Variants in ABCC11 observed in about 807,000 individuals in gnomAD.
ABCC11 encodes the protein ATP binding cassette subfamily C member 11.
A neutral mutation model predicts 149.3 loss-of-function variants in ABCC11; 135 were observed. The observed-to-expected ratio is 0.90, with a 90% CI of 0.79 to 1.04. The LOEUF is 1.04. Among genes scored for constraint, ABCC11 ranks in the 50% least tolerant of loss-of-function variants. ABCC11 has a pLI of 0.00. For synonymous variants in ABCC11, 665 were observed against 671.4 expected, an observed-to-expected ratio of 0.99 and a Z score of 0.15; for missense variants, 1,680 against 1,722.1, an observed-to-expected ratio of 0.98 and a Z score of 0.43.
chr16:48,181,739 T>C (rs996950042), intron 23 of ABCC11, among the ~76,000 whole-genome samples: 4 of 152,128 alleles, frequency 2.6e-5, no homozygotes, highest in Non-Finnish European at 5.9e-5. Flanking sequence ...GCCTCCTGAG[T>C]AGCTGGGACT....
At position 48,170,166 on chromosome 16, in the gene ABCC11, T is replaced by A. The variant is rs75005894; in HGVS notation, c.3830A>T (p.Asn1277Ile). The change falls in exon 28 of 30, where the codon AAC (asparagine) becomes ATC (isoleucine). Residue 1277 changes from asparagine (N) to isoleucine (I), a missense_variant. Asn to Ile is a moderately radical substitution (Grantham distance 149). Transcript: ENST00000356608. ...CAGCTGCCTCTCCCCCACAGAGAAGTTTCCACCGTTTTCCACCACATCTGT... is the reference window on the plus strand; with the variant it reads ...CAGCTGCCTCTCCCCCACAGAGAAGATTCCACCGTTTTCCACCACATCTGT... ...LHTDVVENGGNFSVGERQLLC... is the reference protein window; with the variant it reads ...LHTDVVENGGIFSVGERQLLC... The A allele has an allele frequency of 1.6e-3, 2,572 of 1,614,066 alleles. 27 individuals are homozygous for A. The African/African-American group carries it at 0.029, about 18-fold the overall frequency.
intron 3 of ABCC11, among the ~76,000 whole-genome samples, chr16:48,229,744 G>A (rs1475963017): frequency 1.4e-4 from 21 of 152,088 alleles, no homozygotes; most frequent in Admixed American, 8.5e-4. Flanking sequence ...GATTACAGGC[G>A]TGAGCCACCG....
chr16:48,246,921 A>G (rs1441813353), intron 1 of ABCC11, among the ~76,000 whole-genome samples: 6 of 152,114 alleles, frequency 3.9e-5, no homozygotes, highest in Non-Finnish European at 5.9e-5. Context: ...ACAATCCTCA[A>G]TTCTCCTGCT....
rs1381530518 is a variant in ABCC11, at chr16:48,200,312, C to T, written c.2046G>A (p.Arg682=). Residue 682 remains arginine (R), a synonymous_variant, in exon 15 of 30, where the codon AGG becomes AGA. Transcript: ENST00000356608. ...IFEECIKKTL[R]GKTVVLVTHQ... is the part of the protein sequence containing the mutation. ...GGGTCACCAGGACGACCGTCTTCCC[C>T]CTGAGTGTCTTCTTAATGCACTCCT... The T allele has an allele frequency of 6.2e-7, 1 of 1,614,172 alleles. No homozygotes were observed. Among genetic ancestry groups the T allele is most frequent in the Non-Finnish European group, 8.5e-7 (1 of 1,179,996 alleles).
Position 48,198,228 on chromosome 16 carries a change from G to T in ABCC11, c.2130C>A (p.Ile710=). 2 of 1,614,134 alleles carry T rather than the reference G, an allele frequency of 1.2e-6. No homozygotes were observed. Among genetic ancestry groups the T allele is most frequent in the Non-Finnish European group, 1.7e-6 (2 of 1,180,024 alleles). The part of the protein sequence containing the change: ...GQIILLENGK[I]CENGTHSELM... ...ACTCACTGTGAGTTCCATTTTCACA[G>T]ATTTTCCCATTTTCCAACAAAATGA... The change falls in exon 16 of 30, where the codon ATC becomes ATA. Residue 710 remains isoleucine (I), a synonymous_variant. Transcript: ENST00000356608.
intron 3 of ABCC11, 24 bp downstream of exon 3, chr16:48,230,413 C>G (rs373111110): frequency 1.5e-5 from 24 of 1,567,910 alleles, no homozygotes; most frequent in Non-Finnish European, 1.7e-5. Flanking sequence ...ACAGCTCTCT[C>G]CCACCACCCC....
chr16:48,219,161 G>C (rs573364818), intron 6 of ABCC11, among the ~76,000 whole-genome samples: 1 of 144,694 alleles, frequency 6.9e-6, no homozygotes, highest in African/African-American at 2.6e-5. Context: ...GGACTGTTTT[G>C]GTTTTGGGTT....
intron 6 of ABCC11, among the ~76,000 whole-genome samples, chr16:48,220,405 T>C (rs779585581): frequency 3.3e-5 from 5 of 152,198 alleles, no homozygotes; most frequent in Non-Finnish European, 7.3e-5. Context: ...ATGTAAGTAA[T>C]GACTTGGAGC....
At chr16:48,242,296 T>C (rs1306853355) in intron 1 of ABCC11, among the ~76,000 whole-genome samples, 1 of 152,080 alleles carries the variant, frequency 6.6e-6, no homozygotes, top group Non-Finnish European at 1.5e-5. Context: ...CATGAAAAAA[T>C]GCTCATCATC....
chr16:48,241,869 C>T (rs554677548), intron 1 of ABCC11, among the ~76,000 whole-genome samples: 3 of 152,286 alleles, frequency 2.0e-5, no homozygotes, highest in Admixed American at 6.5e-5. Context: ...TGGATCCCTT[C>T]CTTATACCTT....
intron 4 of ABCC11, 116 bp from the exon 5 acceptor site, chr16:48,224,545 CA>C: frequency 8.4e-7 from 1 of 1,192,960 alleles, no homozygotes. Flanking sequence ...CAGAATAGAA[CA>C]ATGTAGTAAT....
chr16:48,192,201 T>C (rs1966983284), intron 20 of ABCC11, among the ~76,000 whole-genome samples: 1 of 151,900 alleles, frequency 6.6e-6, no homozygotes, highest in Non-Finnish European at 1.5e-5. Flanking sequence ...CCCAGCACTT[T>C]GGGGGGCCGA....
intron 5 of ABCC11, among the ~76,000 whole-genome samples, chr16:48,223,870 A>G (rs1423405944): frequency 6.6e-6 from 1 of 152,194 alleles, no homozygotes; most frequent in Non-Finnish European, 1.5e-5. Flanking sequence ...ACATGTGCTG[A>G]GCCAGGCCAT....
chr16:48,170,808 C>T (rs1965667883), intron 27 of ABCC11, 81 bp downstream of exon 27: 12 of 1,312,818 alleles, frequency 9.1e-6, no homozygotes, highest in Non-Finnish European at 1.2e-5. Flanking sequence ...GCTGGAACAC[C>T]ACATGAGAGG....
At chr16:48,238,548 C>T (rs1017964105) in intron 1 of ABCC11, among the ~76,000 whole-genome samples, 1 of 151,702 alleles carries the variant, frequency 6.6e-6, no homozygotes, top group African/African-American at 2.4e-5. Flanking sequence ...AACCTAAGGC[C>T]AAACCCAAGT....
At chr16:48,210,025 A>C (rs950630747) in intron 11 of ABCC11, 3 of 152,122 alleles carry the variant, frequency 2.0e-5, no homozygotes, top group Non-Finnish European at 4.4e-5. Context: ...CAGATGTGGA[A>C]GTCAAGCTGA....
At chr16:48,212,661 C>A (rs1567268385) in intron 10 of ABCC11, among the ~76,000 whole-genome samples, 2 of 152,196 alleles carry the variant, frequency 1.3e-5, no homozygotes, top group Non-Finnish European at 2.9e-5. Flanking sequence ...CAAATCAGAA[C>A]TCCCTGACAG....
rs72802152 is a variant in ABCC11 at position 48,172,469 on chromosome 16, C to A, written c.3699-1502G>T. Among the ~76,000 whole-genome samples, 1,162 of 149,560 alleles carry A rather than the reference C, an allele frequency of 7.8e-3. 9 individuals carry two copies. The highest frequency in any genetic ancestry group is 0.031 in the Middle Eastern group (9 of 288). On this transcript the variant is annotated intron_variant, in intron 26 of 29. Coordinates refer to ENST00000356608, the MANE Select transcript of ABCC11 (RefSeq NM_001370497.1). The stretch of plus-strand genomic sequence containing the variant: ...TTGAGACAGGGTCTCACTCTGTCTA[C>A]GAGGCTGGAGTGCAGTGGTGCAAAC...
intron 28 of ABCC11, among the ~76,000 whole-genome samples, chr16:48,168,342 A>C (rs1965471554): frequency 6.6e-6 from 1 of 152,192 alleles, no homozygotes; most frequent in Non-Finnish European, 1.5e-5. Flanking sequence ...GTACTTTGCA[A>C]ATTTGTTGTT....
Sources: gnomAD v4.1 joint callset for allele counts (sites outside exome capture counted in the v4.1 genomes callset) on GRCh38, gnomAD v4.1.1 for gene constraint, MANE v1.5 for transcripts, NCBI Gene and HGNC (gene_info 2026-07-23, HGNC 2026-07-21) for gene names.